Variants in DLC1 observed in about 807,000 individuals in gnomAD.
DLC1 encodes DLC1 Rho GTPase activating protein, also known as rho GTPase-activating protein 7.
DLC1 carries 54 observed loss-of-function variants against 140.3 expected under a neutral mutation model. The observed-to-expected ratio is 0.38, with a 90% CI of 0.31 to 0.48. DLC1 has a LOEUF of 0.48. Ranked by LOEUF, DLC1 falls within the 20% of genes least tolerant of loss-of-function variation. The pLI is 0.96. For missense variants in DLC1, 2,536 were observed against 1,907.0 expected (o/e 1.33, Z -6.14); for synonymous variants, 986 against 728.1 (o/e 1.35, Z -5.70).
intron 5 of DLC1, among the ~76,000 whole-genome samples, chr8:13,269,543 C>G (rs1443514869): frequency 6.6e-6 from 1 of 151,702 alleles, no homozygotes; most frequent in African/African-American, 2.4e-5. Context: ...GAGCAAGACC[C>G]TACCTCTACA....
intron 5 of DLC1, among the ~76,000 whole-genome samples, chr8:13,189,618 C>G (rs1012717340): frequency 2.0e-5 from 3 of 152,196 alleles, no homozygotes; most frequent in Non-Finnish European, 2.9e-5. Context: ...CGCTGTGTCT[C>G]ATGCCTGTAA....
At position 13,499,891 on chromosome 8, in the gene DLC1, G is replaced by A. The variant is rs1466504514; in HGVS notation, c.181C>T (p.Leu61=). ...TCTGATCCATGACAGCAGTCAGGTA[G>A]TGAAACACACTTCTCTTTGCGGTCC... ...NVDRKEKCVS[L]PDCCHGSELR... is the part of the protein sequence containing the mutation. The change falls in exon 2 of 18, where the codon CTA becomes TTA. Residue 61 remains leucine, a synonymous_variant. Coordinates refer to ENST00000276297, the MANE Select transcript of DLC1 (RefSeq NM_182643.3). The A allele has an allele frequency of 1.2e-6, 2 of 1,614,102 alleles. No individual in the cohort carries two copies. Among genetic ancestry groups the A allele is most frequent in the Admixed American group, 1.7e-5 (1 of 60,018 alleles).
chr8:13,444,435 A>C (rs1798685961), intron 2 of DLC1, among the ~76,000 whole-genome samples: 1 of 152,152 alleles, frequency 6.6e-6, no homozygotes, highest in Non-Finnish European at 1.5e-5. Flanking sequence ...GTACTCTAGA[A>C]CTTAACGTTT....
chr8:13,264,548 T>C (rs1026146157), intron 5 of DLC1, among the ~76,000 whole-genome samples: 1 of 152,090 alleles, frequency 6.6e-6, no homozygotes, highest in Non-Finnish European at 1.5e-5. Flanking sequence ...ATGAGAGTGA[T>C]TAAACTCTAA....
At chr8:13,173,423 G>C (rs1825595772) in intron 5 of DLC1, among the ~76,000 whole-genome samples, 1 of 139,254 alleles carries the variant, frequency 7.2e-6, no homozygotes, top group African/African-American at 2.7e-5. Context: ...CCAGGCTGGA[G>C]CGCAGTGGCG....
intron 5 of DLC1, among the ~76,000 whole-genome samples, chr8:13,279,571 G>A (rs1251687983): frequency 6.6e-6 from 1 of 152,120 alleles, no homozygotes; most frequent in African/African-American, 2.4e-5. Context: ...TTAATTATAG[G>A]TTTTACCATA....
intron 5 of DLC1, among the ~76,000 whole-genome samples, chr8:13,273,016 T>G (rs1033494352): frequency 6.6e-6 from 1 of 152,284 alleles, no homozygotes; most frequent in African/African-American, 2.4e-5. Flanking sequence ...CTTTGATAAC[T>G]GTATTTCACT....
At chr8:13,278,374 A>T (rs1486583504) in intron 5 of DLC1, among the ~76,000 whole-genome samples, 1 of 152,128 alleles carries the variant, frequency 6.6e-6, no homozygotes, top group African/African-American at 2.4e-5. Flanking sequence ...TGTCATCTGG[A>T]CCTGTTTTGC....
intron 4 of DLC1, among the ~76,000 whole-genome samples, chr8:13,305,848 C>T (rs1288049745): frequency 0.014 from 2,077 of 152,238 alleles, 54 homozygotes; most frequent in African/African-American, 0.047. Context: ...AACAAACAAA[C>T]TAACAACATT....
chr8:13,096,544 C>T (rs1344799485), intron 10 of DLC1, among the ~76,000 whole-genome samples: 1 of 151,944 alleles, frequency 6.6e-6, no homozygotes, highest in Non-Finnish European at 1.5e-5. Flanking sequence ...GGGAGAAAAG[C>T]CCGACGGCGG....
chr8:13,442,315 C>T (rs1386004068), intron 2 of DLC1, among the ~76,000 whole-genome samples: 2 of 152,178 alleles, frequency 1.3e-5, no homozygotes, highest in African/African-American at 2.4e-5. Flanking sequence ...ATGTCTAAAA[C>T]ACCAAAAGCA....
At chr8:13,194,217 T>A (rs549313332) in intron 5 of DLC1, among the ~76,000 whole-genome samples, 2 of 152,172 alleles carry the variant, frequency 1.3e-5, no homozygotes, top group Non-Finnish European at 2.9e-5. Flanking sequence ...GCGGGGACAT[T>A]CATCACCATC....
chr8:13,320,290 T>C (rs2116900441), intron 4 of DLC1, among the ~76,000 whole-genome samples: 1 of 152,320 alleles, frequency 6.6e-6, no homozygotes, highest in South Asian at 2.1e-4. Context: ...GGTCTTATGA[T>C]TTCTGCTCTC....
intron 4 of DLC1, among the ~76,000 whole-genome samples, chr8:13,393,094 T>C (rs1836839501): frequency 2.0e-5 from 3 of 152,142 alleles, no homozygotes; most frequent in South Asian, 4.1e-4. Context: ...TACATCTATC[T>C]CTATCATCTG....
chr8:13,558,054 G>T (rs1804114037), intron 1 of DLC1: 1 of 152,192 alleles, frequency 6.6e-6, no homozygotes, highest in African/African-American at 2.4e-5. Context: ...AGTGACAGTG[G>T]TGGTTAAAAC....
intron 4 of DLC1, among the ~76,000 whole-genome samples, chr8:13,337,840 T>G (rs1428538419): frequency 6.6e-6 from 1 of 151,998 alleles, no homozygotes; most frequent in African/African-American, 2.4e-5. Flanking sequence ...TAAACAAGAG[T>G]GTAAAGAAGT....
In DLC1 at chr8:13,085,847, G is replaced by A. The variant is rs754191945; in HGVS notation, c.4551C>T (p.Asn1517=). Residue 1517 remains asparagine (N), a synonymous_variant, in exon 18 of 18, where the codon AAC becomes AAT. Transcript: ENST00000276297. ...TGGTGTCTTTGGTTTCAGTGTTCTG[G>A]TTACTGAAGGAATCCCGGATCTTTA... ...EVVKIRDSFS[N]QNTETKDTKS... 1.9e-6 allele frequency: 3 copies of A among 1,614,136 alleles called. No individual in the cohort carries two copies. Among genetic ancestry groups the A allele is most frequent in the Non-Finnish European group, 2.5e-6 (3 of 1,180,024 alleles).
At chr8:13,189,933 G>A (rs182159781) in intron 5 of DLC1, among the ~76,000 whole-genome samples, 92 of 151,814 alleles carry the variant, frequency 6.1e-4, no homozygotes, top group Non-Finnish European at 1.0e-3. Context: ...CACAAAGCCA[G>A]AGCCTTCAGC....
chr8:13,175,648 C>G (rs900872408), intron 5 of DLC1, among the ~76,000 whole-genome samples: 3 of 152,124 alleles, frequency 2.0e-5, no homozygotes, highest in African/African-American at 7.2e-5. Flanking sequence ...CTATCAAAAC[C>G]AAGAAATTGA....
Sources: gnomAD v4.1 joint callset for allele counts (sites outside exome capture counted in the v4.1 genomes callset) on GRCh38, gnomAD v4.1.1 for gene constraint, MANE v1.5 for transcripts, NCBI Gene and HGNC (gene_info 2026-07-23, HGNC 2026-07-21) for gene names.